The following KSR2 variants were observed in gnomAD, a reference collection of about 807,000 sequenced individuals.
KSR2 encodes the protein kinase suppressor of ras 2.
In KSR2, 25 loss-of-function variants were observed where a neutral mutation model predicts 107.8. The ratio of observed to expected loss-of-function variants is 0.23; its 90% CI spans 0.17 to 0.32. The LOEUF is 0.32. Among genes scored for constraint, KSR2 ranks in the 10% least tolerant of loss-of-function variants. The pLI, the probability that KSR2 is intolerant of heterozygous loss-of-function variation, is 1.00. For synonymous variants in KSR2, 480 were observed against 507.0 expected (o/e 0.95, Z 0.71); for missense variants, 887 against 1,268.9 (o/e 0.70, Z 4.57).
At position 117,913,251 on chromosome 12, in the gene KSR2, C is replaced by G. The variant is rs1271149818; in HGVS notation, c.181-52820G>C. ...TTTCTTTAGGCTGTTGTGAGCCGTT[C>G]ATGTGTCAGTGTGTTAAGGGAAGCG... On this transcript the variant is annotated intron_variant, in intron 1 of 19. Transcript: ENST00000339824. Among the ~76,000 whole-genome samples the G allele has an allele frequency of 2.0e-5, 3 of 152,152 alleles. No homozygotes were observed. The East Asian group carries it at 5.8e-4, about 29-fold the overall frequency.
rs554272319 is a variant in KSR2, at chr12:117,512,046, C to T, written c.2219+12806G>A. ...GCTCCACTCCCAACTGAACCCTAGC[C>T]CTACACTGGAAATGTACATGGTATG... On this transcript the variant is annotated intron_variant, in intron 14 of 19. Transcript: ENST00000339824. Among the ~76,000 whole-genome samples, 390 of 152,212 alleles carry T rather than the reference C, an allele frequency of 2.6e-3. 5 individuals carry two copies. Among genetic ancestry groups the T allele is most frequent in the African/African-American group, 8.9e-3 (371 of 41,514 alleles).
At chr12:117,711,238 C>T (rs779444980) in intron 4 of KSR2, among the ~76,000 whole-genome samples, 1 of 152,134 alleles carries the variant, frequency 6.6e-6, no homozygotes, top group Non-Finnish European at 1.5e-5. Context: ...GGAAACACAC[C>T]AGGAGCTGAG....
intron 1 of KSR2, among the ~76,000 whole-genome samples, chr12:117,961,903 G>T (rs1168204623): frequency 6.6e-6 from 1 of 152,154 alleles, no homozygotes; most frequent in Non-Finnish European, 1.5e-5. Context: ...CCAGCACTTT[G>T]GGAGGCCAAG....
intron 1 of KSR2, among the ~76,000 whole-genome samples, chr12:117,920,627 A>C (rs1895311966): frequency 6.6e-6 from 1 of 152,222 alleles, no homozygotes; most frequent in Non-Finnish European, 1.5e-5. Context: ...AGATACAGTT[A>C]CAATTTCTGT....
At chr12:117,599,673 T>C (rs181435069) in intron 5 of KSR2, among the ~76,000 whole-genome samples, 17 of 152,010 alleles carry the variant, frequency 1.1e-4, no homozygotes, top group African/African-American at 4.1e-4. Context: ...AAAATATCTC[T>C]AAACATTTCC....
intron 1 of KSR2, among the ~76,000 whole-genome samples, chr12:117,940,776 A>T (rs758819597): frequency 6.6e-6 from 1 of 152,080 alleles, no homozygotes; most frequent in Non-Finnish European, 1.5e-5. Context: ...TTGTGTGAAA[A>T]ATTTCACACT....
At chr12:117,966,774 A>G (rs556306668) in intron 1 of KSR2, among the ~76,000 whole-genome samples, 1 of 152,238 alleles carries the variant, frequency 6.6e-6, no homozygotes, top group South Asian at 2.1e-4. Context: ...CGGAAAAAAA[A>G]GAAATACCCA....
intron 8 of KSR2, among the ~76,000 whole-genome samples, chr12:117,555,840 T>C (rs1877653158): frequency 6.6e-6 from 1 of 152,198 alleles, no homozygotes; most frequent in South Asian, 2.1e-4. Flanking sequence ...ATCCAAATCA[T>C]ATCGCCCAAG....
intron 4 of KSR2, among the ~76,000 whole-genome samples, chr12:117,679,050 C>T (rs1234266590): frequency 6.6e-6 from 1 of 152,140 alleles, no homozygotes; most frequent in African/African-American, 2.4e-5. Flanking sequence ...GGCACATGGC[C>T]CAAACTCTGT....
chr12:117,874,894 G>A (rs1422139348), intron 1 of KSR2, among the ~76,000 whole-genome samples: 1 of 152,096 alleles, frequency 6.6e-6, no homozygotes, highest in Non-Finnish European at 1.5e-5. Flanking sequence ...TCTAAGCCGA[G>A]CCCACCGTCT....
chr12:117,936,539 G>GTAC (rs1272939167), intron 1 of KSR2, among the ~76,000 whole-genome samples: 18 of 109,022 alleles, frequency 1.7e-4, no homozygotes, highest in African/African-American at 6.7e-4. Flanking sequence ...ATTATTAGTA[G>GTAC]TAGTAGTAGT....
At chr12:117,798,206 G>A (rs1310521643) in intron 3 of KSR2, among the ~76,000 whole-genome samples, 1 of 152,208 alleles carries the variant, frequency 6.6e-6, no homozygotes, top group Non-Finnish European at 1.5e-5. Flanking sequence ...GTCCTGAAGG[G>A]AAAAGTGGAG....
chr12:117,513,020 C>T (rs1003793993), intron 14 of KSR2, among the ~76,000 whole-genome samples: 1 of 152,112 alleles, frequency 6.6e-6, no homozygotes, highest in African/African-American at 2.4e-5. Flanking sequence ...CCACCCCTCC[C>T]CCCGCAAAAA....
chr12:117,538,404 G>A (rs1053153852), intron 10 of KSR2, among the ~76,000 whole-genome samples: 1 of 152,210 alleles, frequency 6.6e-6, no homozygotes, highest in Admixed American at 6.5e-5. Context: ...GGCAGGTGCT[G>A]TGATTGGCTT....
At chr12:117,706,441 T>C (rs1177651240) in intron 4 of KSR2, among the ~76,000 whole-genome samples, 2 of 152,186 alleles carry the variant, frequency 1.3e-5, no homozygotes, top group Non-Finnish European at 2.9e-5. Context: ...CCAAGCTGCC[T>C]GTCTTCTGTT....
chr12:117,572,051 T>C (rs1430973057), intron 7 of KSR2, among the ~76,000 whole-genome samples: 1 of 152,128 alleles, frequency 6.6e-6, no homozygotes, highest in African/African-American at 2.4e-5. Flanking sequence ...ACCCTGAAGC[T>C]GCAAAGCAGA....
chr12:117,659,030 G>A (rs543796543), intron 5 of KSR2, among the ~76,000 whole-genome samples: 138 of 152,172 alleles, frequency 9.1e-4, no homozygotes, highest in South Asian at 3.3e-3. Flanking sequence ...CAGTTCTATC[G>A]CAGATAGAAA....
rs1380362889 is a variant in KSR2 at position 117,686,808 on chromosome 12, G to A, written c.987-19150C>T. ...CCTTTATCCTGGGAAAAAATAAACAGAGAGTGAATCCTTACAAACATGCCT... is the reference window on the plus strand; with the variant it reads ...CCTTTATCCTGGGAAAAAATAAACAAAGAGTGAATCCTTACAAACATGCCT... On this transcript the variant is annotated intron_variant, in intron 4 of 19. Transcript: ENST00000339824. Among the ~76,000 whole-genome samples, 3 of 152,172 alleles carry A rather than the reference G, an allele frequency of 2.0e-5. No individual in the cohort carries two copies. The East Asian group carries it at 5.8e-4, about 29-fold the overall frequency.
intron 4 of KSR2, among the ~76,000 whole-genome samples, chr12:117,758,070 A>G (rs1385630064): frequency 6.6e-6 from 1 of 152,164 alleles, no homozygotes; most frequent in Non-Finnish European, 1.5e-5. Context: ...TCAACCACAA[A>G]TGGGTCATGA....
Sources: allele counts gnomAD v4.1 joint callset (sites outside exome capture counted in the v4.1 genomes callset), GRCh38; gene constraint gnomAD v4.1.1; transcripts MANE v1.5; gene names NCBI Gene and HGNC (gene_info 2026-07-23, HGNC 2026-07-21).